The following CACNA2D4 variants were observed in gnomAD, a reference collection of about 807,000 sequenced individuals.
CACNA2D4 encodes voltage-dependent calcium channel subunit alpha-2/delta-4.
A neutral mutation model predicts 163.8 loss-of-function variants in CACNA2D4; 157 were observed. The ratio of observed to expected loss-of-function variants is 0.96; its 90% CI spans 0.84 to 1.09. CACNA2D4 has a LOEUF of 1.09. CACNA2D4 is among the 50% of genes least tolerant of loss of function. The pLI is 0.00. For missense variants in CACNA2D4, 1,410 were observed against 1,479.9 expected (o/e 0.95, Z 0.78); for synonymous variants, 598 against 586.9 (o/e 1.02, Z -0.27).
chr12:1,870,312 C>G (rs1451996596), intron 18 of CACNA2D4, among the ~76,000 whole-genome samples: 1 of 152,138 alleles, frequency 6.6e-6, no homozygotes, highest in Non-Finnish European at 1.5e-5. Context: ...CTGCAGGGCT[C>G]AGGAGTCAGC....
chr12:1,840,929 C>T, intron 25 of CACNA2D4, 110 bp from the exon 26 acceptor site: 1 of 962,336 alleles, frequency 1.0e-6, no homozygotes. Context: ...CGAAGGCATC[C>T]TTGGAAGAAT....
Position 1,844,375 on chromosome 12 carries a change from C to T in CACNA2D4, c.2470+27G>A, listed in dbSNP as rs1471771186. On this transcript the variant is annotated intron_variant, in intron 25 of 37. Coordinates refer to ENST00000382722, the MANE Select transcript of CACNA2D4 (RefSeq NM_172364.5). The surrounding 1 kb of genome is among the most constrained non-coding windows in gnomAD (Gnocchi z 4.2). ...TGAGACTGGCCTGAGACTGGCCCAG[C>T]CCCGGGAGCACCGGGCTGTGTGTTA... 7 of 1,610,832 alleles carry T rather than the reference C, an allele frequency of 4.3e-6. 1 individual carries two copies. The South Asian group carries it at 6.6e-5, about 15-fold the overall frequency.
chr12:1,840,682 T>C, intron 26 of CACNA2D4, 57 bp downstream of exon 26: 1 of 1,441,750 alleles, frequency 6.9e-7, no homozygotes, highest in East Asian at 2.3e-5. Context: ...GATCTATGCC[T>C]TGCTCTTTAC....
At chr12:1,824,837 C>G (rs1337442206) in intron 26 of CACNA2D4, among the ~76,000 whole-genome samples, 1 of 152,136 alleles carries the variant, frequency 6.6e-6, no homozygotes. Flanking sequence ...TGCAGCCCCA[C>G]CTCTCTCTAG....
chr12:1,916,062 G>T (rs936864342), intron 1 of CACNA2D4, among the ~76,000 whole-genome samples: 1 of 152,230 alleles, frequency 6.6e-6, no homozygotes, highest in East Asian at 1.9e-4. Flanking sequence ...GTAGAGGTTA[G>T]CCTGCAAAGG....
intron 20 of CACNA2D4, 27 bp downstream of exon 20, chr12:1,858,550 G>A (rs1180473774): frequency 6.2e-7 from 1 of 1,607,348 alleles, no homozygotes; most frequent in East Asian, 2.2e-5. Context: ...CTGCTTAACT[G>A]TCCCTCAGCC....
rs769721771 is a variant in CACNA2D4 at position 1,884,283 on chromosome 12, A to G, written c.1311T>C (p.Ser437=). 1 of 1,612,696 alleles carries G rather than the reference A, an allele frequency of 6.2e-7. No individual in the cohort carries two copies. Among genetic ancestry groups the G allele is most frequent in the Admixed American group, 1.7e-5 (1 of 59,880 alleles). The part of the protein sequence containing the change: ...VFTYLIGREV[S]FADRMKWIAC... ...CAATCCACTTCATGCGGTCAGCAAAAGACACTTCTCTCCCAATGAGGTAAG... is the reference window on the plus strand; with the variant it reads ...CAATCCACTTCATGCGGTCAGCAAAGGACACTTCTCTCCCAATGAGGTAAG... Residue 437 remains serine (S), a synonymous_variant, in exon 12 of 38, where the codon TCT becomes TCC. Transcript: ENST00000382722.
chr12:1,831,095 G>A (rs747673793), intron 26 of CACNA2D4: 8 of 1,614,020 alleles, frequency 5.0e-6, no homozygotes, highest in Non-Finnish European at 6.8e-6. Flanking sequence ...TCTTGCTCTT[G>A]AACAATAAGC....
At chr12:1,839,086 A>G (rs953915764) in intron 26 of CACNA2D4, among the ~76,000 whole-genome samples, 2 of 152,194 alleles carry the variant, frequency 1.3e-5, no homozygotes, top group Non-Finnish European at 2.9e-5. Flanking sequence ...ACCCCAACTC[A>G]GGATGGCCCT....
In CACNA2D4 at chr12:1,820,563, C is replaced by CCTTCT. The variant is rs1864055472; in HGVS notation, c.2552-8841_2552-8840insAGAAG. ...CCCTCTCTCCTCTCTCTCTCTCCCT[C>CCTTCT]CATCCCTCTCTTTCCTTCTCAGTTT... is the stretch of plus-strand genomic sequence containing the variant. On this transcript the variant is annotated intron_variant, in intron 26 of 37. Coordinates refer to ENST00000382722, the MANE Select transcript of CACNA2D4 (RefSeq NM_172364.5). The surrounding 1 kb of genome is among the most constrained non-coding windows in gnomAD (Gnocchi z 6.0). 6.6e-6 allele frequency: 1 copy of CCTTCT among 152,466 alleles called. No individual in the cohort carries two copies. Among genetic ancestry groups the CCTTCT allele is most frequent in the African/African-American group, 2.4e-5 (1 of 41,462 alleles). 9.4% of individuals were successfully genotyped at this position (152,466 alleles called of 1,614,324 possible). A position where few individuals can be genotyped will look rare whatever the true frequency, so the allele number is the denominator to read the frequency against.
At position 1,811,811 on chromosome 12, in the gene CACNA2D4, G is replaced by T. The variant is rs1324216947; in HGVS notation, c.2552-88C>A. 17 of 1,303,590 alleles carry T rather than the reference G, an allele frequency of 1.3e-5. 2 individuals carry two copies. The South Asian group carries it at 2.2e-4, about 17-fold the overall frequency. The allele number at this position is 1,303,590 out of a possible 1,614,324, so 80.8% of individuals were successfully genotyped here. A position where few individuals can be genotyped will look rare whatever the true frequency, so the allele number is the denominator to read the frequency against. ...CAAGTTAAAGAGAGGAGGTGCTTCC[G>T]CAGGAACTGAGGAGAGAGACCGCAG... On this transcript the variant is annotated intron_variant, in intron 26 of 37. Coordinates refer to ENST00000382722, the MANE Select transcript of CACNA2D4 (RefSeq NM_172364.5).
In CACNA2D4 at chr12:1,874,149, T is replaced by C. The variant is rs1395034216; in HGVS notation, c.1878+455A>G. 3.3e-5 allele frequency among the ~76,000 whole-genome samples: 5 copies of C among 152,334 alleles called. No homozygotes were observed. The highest frequency in any genetic ancestry group is 1.9e-4 in the East Asian group (1 of 5,188). ...GATAGTAATGGGATTAGTGAGGGCA[T>C]TGATTCCTAACTATCTGGGAATGAC... On this transcript the variant is annotated intron_variant, in intron 18 of 37. Coordinates refer to ENST00000382722, the MANE Select transcript of CACNA2D4 (RefSeq NM_172364.5). The surrounding 1 kb of genome is among the most constrained non-coding windows in gnomAD (Gnocchi z 4.4).
intron 6 of CACNA2D4, among the ~76,000 whole-genome samples, chr12:1,889,208 A>T (rs1360113622): frequency 6.6e-6 from 1 of 152,270 alleles, no homozygotes; most frequent in Non-Finnish European, 1.5e-5. Context: ...TGAAGTCCCC[A>T]CTGTAAAGGA....
intron 18 of CACNA2D4, among the ~76,000 whole-genome samples, chr12:1,867,135 G>C (rs1012303481): frequency 1.3e-5 from 2 of 151,876 alleles, no homozygotes; most frequent in African/African-American, 4.8e-5. Context: ...TCTTACCTTT[G>C]GATTTTAGTA....
intron 31 of CACNA2D4, chr12:1,800,800 C>T: frequency 1.7e-6 from 1 of 596,610 alleles, no homozygotes; most frequent in Non-Finnish European, 3.0e-6. Context: ...CTGTCTCCGC[C>T]AGAGGCACTG....
At chr12:1,800,615 G>A in intron 31 of CACNA2D4, 177 bp from the exon 32 acceptor site, 1 of 633,496 alleles carries the variant, frequency 1.6e-6, no homozygotes, top group Non-Finnish European at 2.8e-6. Flanking sequence ...CCTCCCACCT[G>A]CCCTGCAGAG....
At chr12:1,895,421 T>A (rs558204010) in intron 6 of CACNA2D4, among the ~76,000 whole-genome samples, 1 of 151,914 alleles carries the variant, frequency 6.6e-6, no homozygotes, top group Non-Finnish European at 1.5e-5. Flanking sequence ...GCTAAAGCAA[T>A]CCTGAGTAAA....
chr12:1,910,642 A>G (rs1215499887), intron 3 of CACNA2D4, among the ~76,000 whole-genome samples: 1 of 152,254 alleles, frequency 6.6e-6, no homozygotes, highest in Admixed American at 6.5e-5. Context: ...AATGTGGGCT[A>G]TGCACACAAT....
intron 26 of CACNA2D4, chr12:1,831,205 G>A (rs1407218744): frequency 3.1e-6 from 5 of 1,613,762 alleles, no homozygotes; most frequent in Middle Eastern, 1.6e-4. Flanking sequence ...TCCATTTTCG[G>A]GGACCTGACG....
Sources: gnomAD v4.1 joint callset for allele counts (sites outside exome capture counted in the v4.1 genomes callset) on GRCh38, gnomAD v4.1.1 for gene constraint, Gnocchi (gnomAD v3.1) non-coding constraint, MANE v1.5 for transcripts, NCBI Gene and HGNC (gene_info 2026-07-23, HGNC 2026-07-21) for gene names.